The following CIP2A variants were observed in gnomAD, a reference collection of about 807,000 sequenced individuals.
CIP2A encodes cellular inhibitor of PP2A.
CIP2A carries 103 observed loss-of-function variants against 110.9 expected under a neutral mutation model. The observed-to-expected ratio is 0.93, with a 90% CI of 0.79 to 1.09. The LOEUF (loss-of-function observed/expected upper bound fraction) is 1.09, where lower values mean the gene tolerates loss of function less well. CIP2A is among the 50% of genes least tolerant of loss of function. The pLI, the probability that CIP2A is intolerant of heterozygous loss-of-function variation, is 0.00. For missense variants in CIP2A, 1,088 were observed against 1,038.4 expected (o/e 1.05, Z -0.66); for synonymous variants, 381 against 361.6 (o/e 1.05, Z -0.61).
intron 10 of CIP2A, 90 bp from the exon 11 acceptor site, chr3:108,566,728 C>T: frequency 1.4e-6 from 1 of 737,562 alleles, no homozygotes; most frequent in Non-Finnish European, 2.1e-6. Flanking sequence ...ATTATATCAT[C>T]ACTGTCATCC....
rs1013234428 is a variant in CIP2A, at chr3:108,552,480, G to A, written c.2408-107C>T. On this transcript the variant is annotated intron_variant, in intron 19 of 20. Transcript: ENST00000295746. The stretch of plus-strand genomic sequence containing the variant: ...GCAAAAGAGAAATAACTAGAACAAG[G>A]AAGAGAAACTTCTCTTATGACAGTA... The A allele has an allele frequency of 5.2e-6, 3 of 582,246 alleles. No individual in the cohort carries two copies. The African/African-American group carries it at 5.8e-5, about 11-fold the overall frequency. The allele number at this position is 582,246 out of a possible 1,614,324, so 36.1% of individuals were successfully genotyped here. A position where few individuals can be genotyped will look rare whatever the true frequency, so the allele number is the denominator to read the frequency against.
At chr3:108,582,238 T>C (rs749094777) in intron 3 of CIP2A, 36 bp from the exon 4 acceptor site, 13 of 880,924 alleles carry the variant, frequency 1.5e-5, no homozygotes, top group Middle Eastern at 2.9e-4. Flanking sequence ...TATAAAGATA[T>C]AAAAACATTG....
At chr3:108,575,319 T>G (rs866662638) in intron 8 of CIP2A, among the ~76,000 whole-genome samples, 5 of 146,238 alleles carry the variant, frequency 3.4e-5, no homozygotes, top group Non-Finnish European at 7.4e-5. Context: ...CACACGTGCA[T>G]GTACACACAC....
Position 108,569,592 on chromosome 3 carries a change from GAAGT to G in CIP2A, c.906_909del (p.Leu302PhefsTer7), listed in dbSNP as rs775862896. Reference sequence around the variant, plus strand: ...AGCTGAGTCACTGAACAGAAGGCAAGAAGTAATTCTAAAACCTGTGCAATATAAA... The same window carrying G: ...AGCTGAGTCACTGAACAGAAGGCAAGAATTCTAAAACCTGTGCAATATAAA... On this transcript the variant is annotated frameshift_variant, in exon 9 of 21. Transcript: ENST00000295746. LOFTEE classifies it high-confidence loss of function. The G allele has an allele frequency of 6.8e-6, 11 of 1,611,818 alleles. No individual in the cohort carries two copies. The African/African-American group carries it at 1.2e-4, about 18-fold the overall frequency.
chr3:108,576,471 A>T (rs1197670496), intron 7 of CIP2A, 125 bp from the exon 8 acceptor site: 1 of 505,562 alleles, frequency 2.0e-6, no homozygotes, highest in Non-Finnish European at 3.4e-6. Context: ...TTGGGCTTCT[A>T]ATATAGAACA....
chr3:108,565,615 A>G (rs1938155089), intron 11 of CIP2A, among the ~76,000 whole-genome samples, 161 bp from the exon 12 acceptor site: 1 of 151,834 alleles, frequency 6.6e-6, no homozygotes, highest in South Asian at 2.1e-4. Flanking sequence ...CTCAATCAAC[A>G]TTCTTATAAC....
At position 108,553,735 on chromosome 3, in the gene CIP2A, A is replaced by G; in HGVS notation, c.2325-5T>C. On this transcript the variant is annotated splice_polypyrimidine_tract_variant and splice_region_variant and intron_variant, in intron 18 of 20. Coordinates refer to ENST00000295746, the MANE Select transcript of CIP2A (RefSeq NM_020890.3). ...TCTATTAATTGGGCAATACTTCTGA[A>G]GTTATTAAAAAAAATAGAAGAAAAC... is the stretch of plus-strand genomic sequence containing the variant. 1 of 1,472,046 alleles carries G rather than the reference A, an allele frequency of 6.8e-7. No homozygotes were observed. Among genetic ancestry groups the G allele is most frequent in the Non-Finnish European group, 9.4e-7 (1 of 1,060,304 alleles). 91.2% of individuals were successfully genotyped at this position (1,472,046 alleles called of 1,614,324 possible).
intron 1 of CIP2A, among the ~76,000 whole-genome samples, chr3:108,588,960 T>C (rs960505013): frequency 8.5e-5 from 13 of 152,216 alleles, no homozygotes; most frequent in African/African-American, 2.4e-4. Flanking sequence ...CTTGGTTTCG[T>C]AGAAAAACCA....
At chr3:108,576,143 A>T in intron 8 of CIP2A, 128 bp downstream of exon 8, 1 of 557,610 alleles carries the variant, frequency 1.8e-6, no homozygotes, top group Non-Finnish European at 3.2e-6. Context: ...CTGGCTACAT[A>T]ATTGTGTCCC....
rs781571573 is a variant in CIP2A, at chr3:108,589,293, T to C, written c.83A>G (p.Gln28Arg). 5.6e-6 allele frequency: 9 copies of C among 1,614,010 alleles called. No homozygotes were observed. The highest frequency in any genetic ancestry group is 1.6e-4 in the Middle Eastern group (1 of 6,062). Reference protein sequence around the residue: ...KAVKSEANATQLLRHLEVISG... With the variant: ...KAVKSEANATRLLRHLEVISG... The stretch of plus-strand genomic sequence containing the variant: ...TCTCACCTCCAAGTGCCGCAAAAGC[T>C]GAGTGGCGTTCGCCTCTGACTTCAC... Residue 28 changes from glutamine to arginine, a missense_variant, in exon 1 of 21, where the codon CAG (glutamine) becomes CGG (arginine). Coordinates refer to ENST00000295746, the MANE Select transcript of CIP2A (RefSeq NM_020890.3).
chr3:108,576,753 G>A (rs1418770984), intron 7 of CIP2A, among the ~76,000 whole-genome samples: 2 of 151,970 alleles, frequency 1.3e-5, no homozygotes, highest in African/African-American at 4.8e-5. Context: ...AAATTACCAG[G>A]CATTAAATTT....
At position 108,553,729 on chromosome 3, in the gene CIP2A, T is replaced by C; in HGVS notation, c.2326A>G (p.Ser776Gly). Residue 776 changes from serine (S) to glycine (G), a missense_variant and splice_region_variant, in exon 19 of 21, where the codon AGT (serine) becomes GGT (glycine). Transcript: ENST00000295746. ...NESLKEQNEK[S>G]IAQLIEKEEQ... ...TCTTTCTCTATTAATTGGGCAATACTTCTGAAGTTATTAAAAAAAATAGAA... is the reference window on the plus strand; with the variant it reads ...TCTTTCTCTATTAATTGGGCAATACCTCTGAAGTTATTAAAAAAAATAGAA... 6.8e-7 allele frequency: 1 copy of C among 1,471,872 alleles called. No individual in the cohort carries two copies. Among genetic ancestry groups the C allele is most frequent in the Non-Finnish European group, 9.5e-7 (1 of 1,057,628 alleles). The allele number at this position is 1,471,872 out of a possible 1,614,324, so 91.2% of individuals were successfully genotyped here. A position where few individuals can be genotyped will look rare whatever the true frequency, so the allele number is the denominator to read the frequency against.
rs1291025035 is a variant in CIP2A at position 108,549,903 on chromosome 3, T to G, written c.*1246A>C. ...CCCTTTTATTCTTCAGTCTTATCTA[T>G]CCACTTAAACTTTTTCATATTTGGT... On this transcript the variant is annotated 3_prime_UTR_variant, in exon 21 of 21. Transcript: ENST00000295746. The G allele has an allele frequency of 6.6e-6, 1 of 152,060 alleles. No homozygotes were observed. The highest frequency in any genetic ancestry group is 1.5e-5 in the Non-Finnish European group (1 of 67,928). The allele number at this position is 152,060 out of a possible 1,614,324, so 9.4% of individuals were successfully genotyped here. A position where few individuals can be genotyped will look rare whatever the true frequency, so the allele number is the denominator to read the frequency against.
intron 7 of CIP2A, among the ~76,000 whole-genome samples, chr3:108,578,752 A>C (rs1938762926): frequency 6.6e-6 from 1 of 152,198 alleles, no homozygotes; most frequent in South Asian, 2.1e-4. Flanking sequence ...TCAAAACATA[A>C]ATGATCATAT....
At chr3:108,564,262 A>C (rs899208843) in intron 12 of CIP2A, among the ~76,000 whole-genome samples, 3 of 151,888 alleles carry the variant, frequency 2.0e-5, no homozygotes, top group Non-Finnish European at 4.4e-5. Context: ...TGTACTAAGA[A>C]CCAGTAGAGT....
In CIP2A at chr3:108,549,993, T is replaced by C. The variant is rs969406597; in HGVS notation, c.*1156A>G. 3 of 152,020 alleles carry C rather than the reference T, an allele frequency of 2.0e-5. No homozygotes were observed. Among genetic ancestry groups the C allele is most frequent in the Non-Finnish European group, 2.9e-5 (2 of 67,912 alleles). The allele number at this position is 152,020 out of a possible 1,614,324, so 9.4% of individuals were successfully genotyped here. ...CTCCTCTATAGAACAAATAGTAATT[T>C]AAAATGTTTTACTCTGCATAATATT... is the stretch of plus-strand genomic sequence containing the variant. On this transcript the variant is annotated 3_prime_UTR_variant, in exon 21 of 21. Transcript: ENST00000295746.
rs753461740 is a variant in CIP2A at position 108,576,259 on chromosome 3, GT to G, written c.894+11del. 1.3e-6 allele frequency: 2 copies of G among 1,497,602 alleles called. No homozygotes were observed. The highest frequency in any genetic ancestry group is 2.6e-5 in the South Asian group (2 of 76,888). 92.8% of individuals were successfully genotyped at this position (1,497,602 alleles called of 1,614,324 possible). On this transcript the variant is annotated intron_variant, in intron 8 of 20. Coordinates refer to ENST00000295746, the MANE Select transcript of CIP2A (RefSeq NM_020890.3). ...TTTAAAAGTTTAAATGAAAAGTCAT[GT>G]TTTTACATACCTTTGAAGAGGAATC...
rs1296346089 is a variant in CIP2A, at chr3:108,560,646, C to T, written c.1827+3G>A. 1.9e-6 allele frequency: 3 copies of T among 1,584,474 alleles called. No individual in the cohort carries two copies. Among genetic ancestry groups the T allele is most frequent in the Middle Eastern group, 1.9e-4 (1 of 5,404 alleles). On this transcript the variant is annotated splice_donor_region_variant and intron_variant, in intron 14 of 20. Coordinates refer to ENST00000295746, the MANE Select transcript of CIP2A (RefSeq NM_020890.3). ...AGGTTATAATTGCTATTTTTTCACTCACCACCATTCCAGACTGAAGTTTCT... is the reference window on the plus strand; with the variant it reads ...AGGTTATAATTGCTATTTTTTCACTTACCACCATTCCAGACTGAAGTTTCT...
At chr3:108,562,381 T>C (rs1938035371) in intron 13 of CIP2A, among the ~76,000 whole-genome samples, 1 of 152,106 alleles carries the variant, frequency 6.6e-6, no homozygotes, top group Non-Finnish European at 1.5e-5. Context: ...TAAAACTATT[T>C]ACAAAAACAG....
Sources: allele counts gnomAD v4.1 joint callset (sites outside exome capture counted in the v4.1 genomes callset), GRCh38; gene constraint gnomAD v4.1.1; transcripts MANE v1.5; gene names NCBI Gene and HGNC (gene_info 2026-07-23, HGNC 2026-07-21).